CYLD: variants seen among roughly 807,000 people sequenced by gnomAD.
The protein encoded by CYLD is ubiquitin carboxyl-terminal hydrolase CYLD.
A neutral mutation model predicts 104.5 loss-of-function variants in CYLD; 26 were observed. The observed-to-expected ratio is 0.25, with a 90% CI of 0.18 to 0.35. The LOEUF (loss-of-function observed/expected upper bound fraction) is 0.35. CYLD is among the 10% of genes least tolerant of loss of function. The pLI, the probability that CYLD is intolerant of heterozygous loss-of-function variation, is 1.00. For synonymous variants in CYLD, 385 were observed against 399.9 expected (o/e 0.96, Z 0.45); for missense variants, 703 against 1,136.1 (o/e 0.62, Z 5.48).
chr16:50,764,063 A>C (rs373805760), intron 5 of CYLD, among the ~76,000 whole-genome samples: 1 of 151,784 alleles, frequency 6.6e-6, no homozygotes, highest in East Asian at 1.9e-4. Flanking sequence ...TGTAAACCCA[A>C]CCTCCTCATG....
At chr16:50,755,207 GTA>G (rs969549037) in intron 5 of CYLD, among the ~76,000 whole-genome samples, 6 of 119,562 alleles carry the variant, frequency 5.0e-5, no homozygotes, top group Admixed American at 4.1e-4. Flanking sequence ...ATATGTGTGT[GTA>G]TATACACACG....
chr16:50,770,692 C>T (rs1969050874), intron 5 of CYLD, among the ~76,000 whole-genome samples: 1 of 152,048 alleles, frequency 6.6e-6, no homozygotes. Flanking sequence ...CTCAAGTGAT[C>T]CACCTGCCTC....
At position 50,796,488 on chromosome 16, in the gene CYLD, A is replaced by G; in HGVS notation, c.2851A>G (p.Thr951Ala). The G allele has an allele frequency of 6.2e-7, 1 of 1,613,650 alleles. No individual in the cohort carries two copies. The highest frequency in any genetic ancestry group is 8.5e-7 in the Non-Finnish European group (1 of 1,180,022). The change falls in exon 19 of 19, where the codon ACA becomes GCA. Residue 951 changes from threonine to alanine, a missense_variant. Thr to Ala is a moderately conservative substitution (Grantham distance 58, BLOSUM62 0). Coordinates refer to ENST00000427738, the MANE Select transcript of CYLD (RefSeq NM_001378743.1). ...ATATATGTGCATGTACCAGAGTCCAACAATGAGTTTGTACAAATAACTGGG... is the reference window on the plus strand; with the variant it reads ...ATATATGTGCATGTACCAGAGTCCAGCAATGAGTTTGTACAAATAACTGGG... ...DAYMCMYQSP[T>A]MSLYK is the part of the protein sequence containing the mutation.
intron 2 of CYLD, among the ~76,000 whole-genome samples, chr16:50,746,786 A>T (rs1966230528): frequency 6.6e-6 from 1 of 151,658 alleles, no homozygotes; most frequent in African/African-American, 2.4e-5. Flanking sequence ...GCTTATAATC[A>T]AATTTATTTA....
At chr16:50,786,273 T>TA (rs1411663747) in intron 12 of CYLD, 9 of 152,252 alleles carry the variant, frequency 5.9e-5, no homozygotes, top group Non-Finnish European at 1.3e-4. Flanking sequence ...AAATATTATT[T>TA]AAAAAATCAG....
intron 5 of CYLD, among the ~76,000 whole-genome samples, chr16:50,772,893 G>A (rs1969302207): frequency 6.6e-6 from 1 of 152,122 alleles, no homozygotes; most frequent in Non-Finnish European, 1.5e-5. Flanking sequence ...ATATCAGCAT[G>A]CAACTTTTGG....
chr16:50,749,099 G>A (rs896856434), intron 2 of CYLD, among the ~76,000 whole-genome samples: 6 of 152,148 alleles, frequency 3.9e-5, no homozygotes, highest in African/African-American at 1.4e-4. Flanking sequence ...TTACTCGGGA[G>A]GCTGAGGTAG....
chr16:50,755,015 GTATATA>G (rs1286736443), intron 5 of CYLD, among the ~76,000 whole-genome samples: 1 of 8,376 alleles, frequency 1.2e-4, no homozygotes, highest in African/African-American at 6.7e-4. Flanking sequence ...ACATATATAT[GTATATA>G]TACATATATA....
chr16:50,765,980 T>C (rs1483164761), intron 5 of CYLD, among the ~76,000 whole-genome samples: 2 of 152,220 alleles, frequency 1.3e-5, no homozygotes, highest in African/African-American at 2.4e-5. Flanking sequence ...AGTGCTGATA[T>C]AGAAACTGCT....
At chr16:50,765,701 T>C (rs980863900) in intron 5 of CYLD, among the ~76,000 whole-genome samples, 4 of 152,234 alleles carry the variant, frequency 2.6e-5, no homozygotes, top group African/African-American at 9.6e-5. Flanking sequence ...TTAAAAGTGC[T>C]ACTTTAGTGA....
chr16:50,754,580 G>A (rs1039451748), intron 5 of CYLD, 156 bp downstream of exon 5: 6 of 626,116 alleles, frequency 9.6e-6, no homozygotes, highest in Admixed American at 2.4e-5. Context: ...CCCGTCACCC[G>A]AGAAGTATAC....
chr16:50,792,477 T>G, intron 15 of CYLD, 120 bp from the exon 16 acceptor site: 1 of 698,304 alleles, frequency 1.4e-6, no homozygotes. Flanking sequence ...GGATCCTGTT[T>G]CATAGGACAC....
intron 8 of CYLD, among the ~76,000 whole-genome samples, chr16:50,778,735 C>T (rs1969925904): frequency 6.6e-6 from 1 of 152,164 alleles, no homozygotes; most frequent in East Asian, 1.9e-4. Context: ...AATGGAAAGG[C>T]AAACAGGCCT....
intron 2 of CYLD, among the ~76,000 whole-genome samples, chr16:50,747,038 T>G (rs1455725806): frequency 2.0e-5 from 3 of 152,178 alleles, no homozygotes; most frequent in Non-Finnish European, 4.4e-5. Flanking sequence ...CTTTACCTTT[T>G]TCAAAAAAAT....
intron 13 of CYLD, 142 bp downstream of exon 13, chr16:50,787,088 C>A (rs1970918148): frequency 2.9e-6 from 2 of 698,284 alleles, no homozygotes; most frequent in Non-Finnish European, 5.1e-6. Context: ...ATGGTTAGCT[C>A]CTCTTTTTGT....
At chr16:50,770,180 G>A (rs540361754) in intron 5 of CYLD, among the ~76,000 whole-genome samples, 23 of 152,202 alleles carry the variant, frequency 1.5e-4, no homozygotes, top group African/African-American at 5.3e-4. Flanking sequence ...GTGCGTATTC[G>A]GTGATATTTG....
At chr16:50,780,151 C>A in intron 9 of CYLD, 107 bp downstream of exon 9, 1 of 1,336,908 alleles carries the variant, frequency 7.5e-7, no homozygotes, top group Non-Finnish European at 1.1e-6. Context: ...GTCAGAAAAG[C>A]TATCACTGCA....
At chr16:50,776,553 G>T (rs571062146) in intron 7 of CYLD, among the ~76,000 whole-genome samples, 13 of 152,218 alleles carry the variant, frequency 8.5e-5, no homozygotes, top group African/African-American at 2.9e-4. Flanking sequence ...TGGAATATTT[G>T]TATGTATAGT....
At chr16:50,768,121 G>T (rs1387522207) in intron 5 of CYLD, among the ~76,000 whole-genome samples, 1 of 151,964 alleles carries the variant, frequency 6.6e-6, no homozygotes, top group African/African-American at 2.4e-5. Context: ...GAAAAAGAAT[G>T]ATATTTTTTT....
Sources: gnomAD v4.1 joint callset for allele counts (sites outside exome capture counted in the v4.1 genomes callset) on GRCh38, gnomAD v4.1.1 for gene constraint, MANE v1.5 for transcripts, NCBI Gene and HGNC (gene_info 2026-07-23, HGNC 2026-07-21) for gene names.